Variants in CCDC175 observed in about 807,000 individuals in gnomAD.
CCDC175 encodes the protein coiled-coil domain containing 175.
In CCDC175, 100 loss-of-function variants were observed where a neutral mutation model predicts 114.6. The ratio of observed to expected loss-of-function variants is 0.87; its 90% confidence interval spans 0.74 to 1.03. The LOEUF (loss-of-function observed/expected upper bound fraction) is 1.03, where lower values mean the gene tolerates loss of function less well. Among genes scored for constraint, CCDC175 ranks in the 50% least tolerant of loss-of-function variants. The probability of loss-of-function intolerance (pLI) is 0.00; values close to 1 mark genes in which losing one functional copy is unlikely to be tolerated. For synonymous variants in CCDC175, 306 were observed against 308.7 expected, an observed-to-expected ratio of 0.99 and a Z score of 0.09; for missense variants, 880 against 917.8, an observed-to-expected ratio of 0.96 and a Z score of 0.53.
At chr14:59,540,591 A>G in intron 11 of CCDC175, 84 bp downstream of exon 11, 2 of 1,377,512 alleles carry the variant, frequency 1.5e-6, no homozygotes, top group Non-Finnish European at 2.0e-6. Context: ...AACAACAAGT[A>G]CTCTGCACTG....
rs534346968 is a variant in CCDC175, at chr14:59,510,655, C to T, written c.2296G>A (p.Asp766Asn). The T allele has an allele frequency of 1.3e-6, 2 of 1,537,124 alleles. No individual in the cohort carries two copies. Among genetic ancestry groups the T allele is most frequent in the Non-Finnish European group, 8.7e-7 (1 of 1,146,844 alleles). The change falls in exon 19 of 20, where the codon GAC (aspartate) becomes AAC (asparagine). Residue 766 changes from aspartate (D) to asparagine (N), a missense_variant. Transcript: ENST00000537690. ...RLLVEQESPM[D>N]LLKKKKHIRT... is the part of the protein sequence containing the mutation. ...CTAAGCTGTTGCTTACTAAGAAGGTCCATTGGTGATTCCTGTTCCACAAGC... is the reference window on the plus strand; with the variant it reads ...CTAAGCTGTTGCTTACTAAGAAGGTTCATTGGTGATTCCTGTTCCACAAGC...
At chr14:59,507,233 T>C (rs773723042) in intron 19 of CCDC175, among the ~76,000 whole-genome samples, 3 of 152,252 alleles carry the variant, frequency 2.0e-5, no homozygotes, top group Non-Finnish European at 4.4e-5. Flanking sequence ...GACCAGCTTA[T>C]GTCTGTGCTT....
At chr14:59,521,466 A>C in intron 17 of CCDC175, 108 bp downstream of exon 17, 1 of 624,996 alleles carries the variant, frequency 1.6e-6, no homozygotes. Context: ...CCTTGTGATC[A>C]TGTGAGTCAG....
intron 7 of CCDC175, among the ~76,000 whole-genome samples, 166 bp from the exon 8 acceptor site, chr14:59,551,602 G>C (rs894680638): frequency 1.2e-4 from 18 of 152,184 alleles, no homozygotes; most frequent in Admixed American, 1.1e-3. Flanking sequence ...ATCTCACTGG[G>C]GCGTGTTGGA....
chr14:59,539,986 G>T (rs1275616174), intron 11 of CCDC175, among the ~76,000 whole-genome samples: 1 of 151,828 alleles, frequency 6.6e-6, no homozygotes, highest in Non-Finnish European at 1.5e-5. Context: ...CATGAGAATC[G>T]CTTGAACCTG....
chr14:59,559,632 A>T (rs932166881), intron 7 of CCDC175, among the ~76,000 whole-genome samples: 2 of 152,134 alleles, frequency 1.3e-5, no homozygotes, highest in Admixed American at 6.6e-5. Context: ...ACCAAGCGGG[A>T]ACTAGGTTGC....
chr14:59,551,986 G>A (rs1486659131), intron 7 of CCDC175, among the ~76,000 whole-genome samples: 4 of 152,252 alleles, frequency 2.6e-5, no homozygotes, highest in African/African-American at 9.6e-5. Context: ...GGAACAGGGT[G>A]GAGCCCACCA....
Position 59,553,115 on chromosome 14 carries a change from G to A in CCDC175, c.954-1679C>T, listed in dbSNP as rs149770110. 4.0e-3 allele frequency among the ~76,000 whole-genome samples: 606 copies of A among 152,154 alleles called. 2 individuals are homozygous for A. Among genetic ancestry groups the A allele is most frequent in the African/African-American group, 0.014 (565 of 41,494 alleles). On this transcript the variant is annotated intron_variant, in intron 7 of 19. Coordinates refer to ENST00000537690, the MANE Select transcript of CCDC175 (RefSeq NM_001164399.2). ...TTCAAATTCAGGAAATACAGAGAAC[G>A]CCACAAAGATACTCCTCCAGAAGAG...
chr14:59,508,573 A>AAAAT (rs2139944845), intron 19 of CCDC175, among the ~76,000 whole-genome samples: 1 of 150,836 alleles, frequency 6.6e-6, no homozygotes, highest in African/African-American at 2.4e-5. Context: ...CTCAAAAAAA[A>AAAAT]AAAAAAAAAA....
chr14:59,531,879 T>G lies in CCDC175; in HGVS notation c.1655A>C (p.Lys552Thr). 1 of 1,263,574 alleles carries G rather than the reference T, an allele frequency of 7.9e-7. No individual in the cohort carries two copies. The highest frequency in any genetic ancestry group is 1.1e-6 in the Non-Finnish European group (1 of 907,292). The allele number at this position is 1,263,574 out of a possible 1,614,324, so 78.3% of individuals were successfully genotyped here. A position where few individuals can be genotyped will look rare whatever the true frequency, so the allele number is the denominator to read the frequency against. ...CTCAACTAGTTCTTCTTCCTTTTCTTTGTTAATTTGTGTTTCCTTAACAAA... is the reference window on the plus strand; with the variant it reads ...CTCAACTAGTTCTTCTTCCTTTTCTGTGTTAATTTGTGTTTCCTTAACAAA... The part of the protein sequence containing the change: ...EIFVKETQIN[K>T]EKEEELVEYL... The change falls in exon 14 of 20, where the codon AAA (lysine) becomes ACA (threonine). Residue 552 changes from lysine (K) to threonine (T), a missense_variant. By Grantham distance (78) the Lys-to-Thr change is moderately conservative. Coordinates refer to ENST00000537690, the MANE Select transcript of CCDC175 (RefSeq NM_001164399.2).
At chr14:59,549,626 A>G (rs1895330449) in intron 8 of CCDC175, among the ~76,000 whole-genome samples, 1 of 149,424 alleles carries the variant, frequency 6.7e-6, no homozygotes, top group Non-Finnish European at 1.5e-5. Flanking sequence ...AGGCTGAGGC[A>G]GGAGAATCGC....
chr14:59,537,315 C>T (rs1218145978), intron 13 of CCDC175, among the ~76,000 whole-genome samples: 2 of 152,252 alleles, frequency 1.3e-5, no homozygotes, highest in East Asian at 3.9e-4. Context: ...GGGAAGACAA[C>T]TTGGATCAGG....
chr14:59,565,507 T>C (rs976184548), intron 4 of CCDC175, among the ~76,000 whole-genome samples: 7 of 152,022 alleles, frequency 4.6e-5, no homozygotes, highest in Non-Finnish European at 7.4e-5. Context: ...AGGAGTTAGA[T>C]TGCAGCCTGG....
chr14:59,522,047 T>G (rs1250277908), intron 16 of CCDC175, among the ~76,000 whole-genome samples: 1 of 152,252 alleles, frequency 6.6e-6, no homozygotes, highest in African/African-American at 2.4e-5. Flanking sequence ...AGACTGGCAT[T>G]CAGTGTAAGA....
intron 8 of CCDC175, among the ~76,000 whole-genome samples, chr14:59,549,433 G>C (rs1204770395): frequency 6.6e-6 from 1 of 152,178 alleles, no homozygotes; most frequent in Non-Finnish European, 1.5e-5. Context: ...GGATCACCTA[G>C]GCCTGGGAGG....
chr14:59,543,867 A>C (rs1753671295), intron 9 of CCDC175, among the ~76,000 whole-genome samples: 1 of 152,248 alleles, frequency 6.6e-6, no homozygotes, highest in South Asian at 2.1e-4. Flanking sequence ...TAGTAACCAC[A>C]AAACAACAAG....
chr14:59,513,206 A>C (rs1019850552), intron 17 of CCDC175, among the ~76,000 whole-genome samples: 2 of 152,234 alleles, frequency 1.3e-5, no homozygotes, highest in African/African-American at 4.8e-5. Flanking sequence ...ATGGCCGAAT[A>C]GGAACAGCTC....
At chr14:59,537,443 C>A in intron 13 of CCDC175, among the ~76,000 whole-genome samples, 1 of 152,194 alleles carries the variant, frequency 6.6e-6, no homozygotes, top group Non-Finnish European at 1.5e-5. Context: ...CATTTTCAAA[C>A]CTGATCAAGT....
intron 5 of CCDC175, chr14:59,564,240 G>C (rs1486180885): frequency 6.5e-6 from 1 of 153,230 alleles, no homozygotes; most frequent in Non-Finnish European, 1.5e-5. Context: ...AGGAAGGATT[G>C]AAGAAATTAT....
Sources: allele counts gnomAD v4.1 joint callset (sites outside exome capture counted in the v4.1 genomes callset), GRCh38; gene constraint gnomAD v4.1.1; transcripts MANE v1.5; gene names NCBI Gene and HGNC (gene_info 2026-07-23, HGNC 2026-07-21).